The following PCSK2 variants were observed in gnomAD, a reference collection of about 807,000 sequenced individuals.
The protein encoded by PCSK2 is proprotein convertase subtilisin/kexin type 2.
A neutral mutation model predicts 69.7 loss-of-function variants in PCSK2; 14 were observed. The ratio of observed to expected loss-of-function variants is 0.20; its 90% CI spans 0.13 to 0.31. PCSK2 has a LOEUF of 0.31. PCSK2 is among the 10% of genes least tolerant of loss of function. PCSK2 has a pLI of 1.00. For missense variants in PCSK2, 544 were observed against 842.5 expected (o/e 0.65, Z 4.39); for synonymous variants, 307 against 320.7 (o/e 0.96, Z 0.46).
chr20:17,260,158 C>A, intron 1 of PCSK2, 82 bp from the exon 2 acceptor site: 3 of 841,878 alleles, frequency 3.6e-6, no homozygotes, highest in South Asian at 2.7e-5. Flanking sequence ...GGAGCCCCTG[C>A]AAGCAGCCCC....
At chr20:17,367,962 A>G (rs1600526123) in intron 4 of PCSK2, among the ~76,000 whole-genome samples, 2 of 152,214 alleles carry the variant, frequency 1.3e-5, no homozygotes, top group Non-Finnish European at 1.5e-5. Context: ...CAAACTATAG[A>G]AAGCAGCCAT....
Position 17,447,557 on chromosome 20 carries a change from A to C in PCSK2, c.886-6185A>C, listed in dbSNP as rs545968672. On this transcript the variant is annotated intron_variant, in intron 8 of 11. Transcript: ENST00000262545. ...GCTGGTAAACATATAAACTGTTAAC[A>C]AACTTTATCAAGAACAATAATATGG... Among the ~76,000 whole-genome samples, 328 of 152,350 alleles carry C rather than the reference A, an allele frequency of 2.2e-3. 3 individuals carry two copies. Among genetic ancestry groups the C allele is most frequent in the Non-Finnish European group, 3.1e-3 (208 of 68,032 alleles).
At chr20:17,382,509 A>G (rs1296823012) in intron 5 of PCSK2, among the ~76,000 whole-genome samples, 1 of 152,040 alleles carries the variant, frequency 6.6e-6, no homozygotes, top group African/African-American at 2.4e-5. Flanking sequence ...CATGGTCACA[A>G]TGACTAAGGT....
intron 2 of PCSK2, among the ~76,000 whole-genome samples, chr20:17,337,904 G>A (rs1990399797): frequency 2.1e-5 from 3 of 145,150 alleles, no homozygotes; most frequent in African/African-American, 7.6e-5. Flanking sequence ...ATTCCAGCCT[G>A]GGTGACAAAG....
chr20:17,260,308 C>T lies in PCSK2; in HGVS notation c.246C>T (p.Ser82=), dbSNP rs142043415. Residue 82 remains serine (S), a synonymous_variant, in exon 2 of 12, where the codon AGC becomes AGT. Coordinates refer to ENST00000262545, the MANE Select transcript of PCSK2 (RefSeq NM_002594.5). The part of the protein sequence containing the change: ...NGLAKAKRRR[S]LHHKQQLERD... Reference sequence around the variant, plus strand: ...TTGCAAAGGCCAAGAGAAGACGCAGCCTACACCACAAGCAGCAGCTGGAGA... The same window carrying T: ...TTGCAAAGGCCAAGAGAAGACGCAGTCTACACCACAAGCAGCAGCTGGAGA... 11 of 1,613,680 alleles carry T rather than the reference C, an allele frequency of 6.8e-6. No individual in the cohort carries two copies. The African/African-American group carries it at 1.3e-4, about 20-fold the overall frequency.
intron 5 of PCSK2, among the ~76,000 whole-genome samples, chr20:17,396,668 G>A (rs2031517926): frequency 1.3e-5 from 2 of 151,416 alleles, no homozygotes; most frequent in South Asian, 4.2e-4. Context: ...AAGCTAGGAT[G>A]ATACAGTTGC....
intron 7 of PCSK2, among the ~76,000 whole-genome samples, chr20:17,434,965 G>A (rs1426039717): frequency 6.6e-6 from 1 of 152,154 alleles, no homozygotes; most frequent in Non-Finnish European, 1.5e-5. Flanking sequence ...GCAAAATACA[G>A]AGTCTTAAAT....
chr20:17,377,403 C>G (rs1342517643), intron 5 of PCSK2, among the ~76,000 whole-genome samples: 1 of 152,202 alleles, frequency 6.6e-6, no homozygotes, highest in Non-Finnish European at 1.5e-5. Flanking sequence ...GCTGCCAGCA[C>G]AGGAAGTACC....
intron 1 of PCSK2, among the ~76,000 whole-genome samples, chr20:17,256,222 T>A (rs1987170473): frequency 6.6e-6 from 1 of 152,162 alleles, no homozygotes; most frequent in South Asian, 2.1e-4. Flanking sequence ...TTCTTATTAT[T>A]TTTATCTCTT....
At chr20:17,379,400 C>T (rs1336889933) in intron 5 of PCSK2, among the ~76,000 whole-genome samples, 1 of 152,184 alleles carries the variant, frequency 6.6e-6, no homozygotes, top group East Asian at 1.9e-4. Flanking sequence ...TCTGAAGCAG[C>T]AACAAAGACC....
chr20:17,227,476 C>A lies in PCSK2; in HGVS notation c.171C>A (p.Val57=). The change falls in exon 1 of 12, where the codon GTC becomes GTA. Residue 57 remains valine, a synonymous_variant. Coordinates refer to ENST00000262545, the MANE Select transcript of PCSK2 (RefSeq NM_002594.5). ...RQVAAEHGFG[V]RKLPFAEGLY... ...TTGCAGCAGAACACGGCTTTGGAGT[C>A]CGAAAGGTAAGCTCTCCCATGCATT... is the stretch of plus-strand genomic sequence containing the variant. The A allele has an allele frequency of 6.2e-7, 1 of 1,613,390 alleles. No homozygotes were observed. The highest frequency in any genetic ancestry group is 2.2e-5 in the East Asian group (1 of 44,832).
chr20:17,460,638 G>A (rs975443686), intron 10 of PCSK2, among the ~76,000 whole-genome samples: 2 of 152,138 alleles, frequency 1.3e-5, no homozygotes, highest in Admixed American at 6.5e-5. Context: ...GAATATTTTA[G>A]CTCTGCTTCT....
chr20:17,448,206 C>T (rs2032736870), intron 8 of PCSK2, among the ~76,000 whole-genome samples: 1 of 152,218 alleles, frequency 6.6e-6, no homozygotes, highest in South Asian at 2.1e-4. Flanking sequence ...CTGCACCCTG[C>T]ACCCATACCA....
chr20:17,435,076 GCTAA>G (rs1296831059), intron 7 of PCSK2, among the ~76,000 whole-genome samples: 7 of 152,276 alleles, frequency 4.6e-5, no homozygotes, highest in African/African-American at 1.7e-4. Flanking sequence ...GAGAAAGAAT[GCTAA>G]CTGATAACTG....
In PCSK2 at chr20:17,482,248, A is replaced by G; in HGVS notation, c.*178A>G. ...CATTACAATGGAAACAATCTTTTTT[A>G]CTCTATGCCCCAAATATAGCGTTCC... On this transcript the variant is annotated 3_prime_UTR_variant, in exon 12 of 12. Coordinates refer to ENST00000262545, the MANE Select transcript of PCSK2 (RefSeq NM_002594.5). The G allele has an allele frequency of 1.8e-6, 1 of 545,682 alleles. No individual in the cohort carries two copies. Among genetic ancestry groups the G allele is most frequent in the East Asian group, 3.2e-5 (1 of 31,592 alleles). The allele number at this position is 545,682 out of a possible 1,614,324, so 33.8% of individuals were successfully genotyped here. A position where few individuals can be genotyped will look rare whatever the true frequency, so the allele number is the denominator to read the frequency against.
At chr20:17,276,648 A>G (rs1037377988) in intron 2 of PCSK2, among the ~76,000 whole-genome samples, 3 of 152,070 alleles carry the variant, frequency 2.0e-5, no homozygotes, top group African/African-American at 7.2e-5. Context: ...GTTTCCCTGT[A>G]GTTAATAATG....
At chr20:17,327,500 C>T (rs1338066636) in intron 2 of PCSK2, among the ~76,000 whole-genome samples, 1 of 152,142 alleles carries the variant, frequency 6.6e-6, no homozygotes, top group Non-Finnish European at 1.5e-5. Flanking sequence ...AGGTCCTGTG[C>T]CCTACCCCGA....
chr20:17,481,413 A>AAAG (rs113487407), intron 11 of PCSK2, among the ~76,000 whole-genome samples, 171 bp from the exon 12 acceptor site: 2,743 of 115,754 alleles, frequency 0.024, 221 homozygotes, highest in Middle Eastern at 0.052. Context: ...AAAAAAAAAA[A>AAAG]AGAGATAAGT....
At chr20:17,388,599 G>A (rs529259100) in intron 5 of PCSK2, among the ~76,000 whole-genome samples, 4 of 151,848 alleles carry the variant, frequency 2.6e-5, no homozygotes, top group African/African-American at 7.2e-5. Context: ...CACTTAGCGC[G>A]GGCCTCATTA....
Sources: allele counts gnomAD v4.1 joint callset (sites outside exome capture counted in the v4.1 genomes callset), GRCh38; gene constraint gnomAD v4.1.1; transcripts MANE v1.5; gene names NCBI Gene and HGNC (gene_info 2026-07-23, HGNC 2026-07-21).